Variants in EPB41 observed in about 807,000 individuals in gnomAD.
EPB41 encodes erythrocyte membrane protein band 4.1, also known as protein 4.1.
A neutral mutation model predicts 108.0 loss-of-function variants in EPB41; 65 were observed. That is an observed-to-expected ratio of 0.60 (90% CI 0.49 to 0.74). The LOEUF (loss-of-function observed/expected upper bound fraction) is 0.74. EPB41 is among the 30% of genes least tolerant of loss of function. The pLI, the probability that EPB41 is intolerant of heterozygous loss-of-function variation, is 0.00. For synonymous variants in EPB41, 336 were observed against 358.9 expected (o/e 0.94, Z 0.72); for missense variants, 875 against 1,037.0 (o/e 0.84, Z 2.15).
At chr1:28,996,872 TA>T (rs2096190278) in intron 3 of EPB41, among the ~76,000 whole-genome samples, 1 of 152,150 alleles carries the variant, frequency 6.6e-6, no homozygotes, top group Non-Finnish European at 1.5e-5. Context: ...CAGTGGCTCA[TA>T]CCTGTAATCC....
At chr1:29,069,021 G>A (rs1649921898) in intron 16 of EPB41, 1 of 751,288 alleles carries the variant, frequency 1.3e-6, no homozygotes, top group Non-Finnish European at 1.8e-6. Context: ...GCTGCATGAA[G>A]ATATAAATAT....
chr1:29,068,773 G>C, intron 16 of EPB41: 1 of 1,232,192 alleles, frequency 8.1e-7, no homozygotes, highest in Non-Finnish European at 1.0e-6. Flanking sequence ...AGAAAGGTTG[G>C]TGGGCCAGAG....
At chr1:28,923,911 C>T (rs2093293647) in intron 1 of EPB41, among the ~76,000 whole-genome samples, 2 of 152,086 alleles carry the variant, frequency 1.3e-5, no homozygotes, top group African/African-American at 2.4e-5. Flanking sequence ...GGTATGCATA[C>T]CCTTAGTGTA....
At chr1:29,062,749 C>G (rs1051342809) in intron 15 of EPB41, among the ~76,000 whole-genome samples, 3 of 148,424 alleles carry the variant, frequency 2.0e-5, no homozygotes, top group Admixed American at 6.9e-5. Flanking sequence ...ATTTTTAGAT[C>G]TACCGCCTCC....
chr1:28,892,067 T>A (rs2090172499), intron 1 of EPB41, among the ~76,000 whole-genome samples: 1 of 109,250 alleles, frequency 9.2e-6, no homozygotes, highest in Non-Finnish European at 1.7e-5. Flanking sequence ...CACTCCAGCC[T>A]GGGCAATAAG....
At chr1:28,889,673 T>G in intron 1 of EPB41, 3 of 320,794 alleles carry the variant, frequency 9.4e-6, no homozygotes, top group Non-Finnish European at 1.3e-5. Context: ...TGGGCCCAGC[T>G]GATGGAACCT....
intron 17 of EPB41, 138 bp from the exon 18 acceptor site, chr1:29,109,198 C>CAA (rs957578381): frequency 1.5e-3 from 913 of 607,900 alleles, no homozygotes; most frequent in East Asian, 1.8e-3. Context: ...AACTCCGTCT[C>CAA]AAAAAAAAAA....
rs376820266 is a variant in EPB41, at chr1:29,112,432, A to C, written c.2480A>C (p.Asp827Ala). 177 of 1,613,766 alleles carry C rather than the reference A, an allele frequency of 1.1e-4. No individual in the cohort carries two copies. The highest frequency in any genetic ancestry group is 1.4e-4 in the Non-Finnish European group (171 of 1,179,878). Reference protein sequence around the residue: ...EKRIVITGDADIDHDQVLVQA... With the variant: ...EKRIVITGDAAIDHDQVLVQA... ...AGAATTGTGATCACAGGAGATGCTG[A>C]TATTGACCATGATCAGGTGGGAATG... Residue 827 changes from aspartate (D) to alanine (A), a missense_variant, in exon 19 of 21, where the codon GAT becomes GCT. Around this residue, in one of 3 missense-constraint regions of EPB41, gnomAD observed 519 missense variants for 627.3 expected, o/e 0.83. Transcript: ENST00000343067.
In EPB41 at chr1:28,992,612, C is replaced by A. The variant is rs939218620; in HGVS notation, c.469-718C>A. Among the ~76,000 whole-genome samples, 4 of 152,294 alleles carry A rather than the reference C, an allele frequency of 2.6e-5. No homozygotes were observed. The South Asian group carries it at 8.3e-4, about 32-fold the overall frequency. On this transcript the variant is annotated intron_variant, in intron 2 of 20. Transcript: ENST00000343067. ...GCCCAGGCAGGAGAATCGCTTGAAC[C>A]CTGGAGGCGGAGCTTGGAGTAAGCC...
rs183255811 is a variant in EPB41 at position 29,024,505 on chromosome 1, C to T, written c.1125-5895C>T. 1.2e-3 allele frequency among the ~76,000 whole-genome samples: 176 copies of T among 151,634 alleles called. 1 individual carries two copies. The highest frequency in any genetic ancestry group is 3.8e-3 in the African/African-American group (157 of 41,168). The stretch of plus-strand genomic sequence containing the variant: ...AAAATTAGCCGGGCTTGGTGGCACG[C>T]GCCTGTAATCCCAGCTACTCCGGAG... On this transcript the variant is annotated intron_variant, in intron 7 of 20. Transcript: ENST00000343067.
intron 1 of EPB41, chr1:28,982,241 T>C (rs2095768111): frequency 1.1e-5 from 5 of 438,334 alleles, no homozygotes; most frequent in South Asian, 7.4e-5. Flanking sequence ...TTTTTATGGC[T>C]GCTTCTTTTT....
upstream of EPB41, chr1:28,910,869 G>T: frequency 1.6e-6 from 1 of 628,722 alleles, no homozygotes; most frequent in Non-Finnish European, 2.0e-6. Context: ...GGTAATGGTG[G>T]GCTCAGCTGG....
chr1:29,104,287 G>T (rs1249339636), intron 17 of EPB41, among the ~76,000 whole-genome samples: 1 of 152,162 alleles, frequency 6.6e-6, no homozygotes, highest in Non-Finnish European at 1.5e-5. Flanking sequence ...TATCTTGCTG[G>T]ATAAGTAAGC....
At position 28,962,351 on chromosome 1, in the gene EPB41, A is replaced by G. The variant is rs151192908; in HGVS notation, c.-7-25080A>G. Among the ~76,000 whole-genome samples the G allele has an allele frequency of 9.7e-4, 147 of 152,254 alleles. 1 individual carries two copies. The highest frequency in any genetic ancestry group is 3.4e-3 in the African/African-American group (143 of 41,540). ...GCTGGGATTATTACAGACGTGAGCC[A>G]CCGCTCCCGGCCATAATTGCTATTA... On this transcript the variant is annotated intron_variant, in intron 1 of 20. Coordinates refer to ENST00000343067, the MANE Select transcript of EPB41 (RefSeq NM_001376013.1).
chr1:29,041,070 A>G (rs1641319261), intron 11 of EPB41: 1 of 151,024 alleles, frequency 6.6e-6, no homozygotes, highest in African/African-American at 2.4e-5. Flanking sequence ...CGGGAGGCGG[A>G]GGCTGCAGTG....
intron 1 of EPB41, among the ~76,000 whole-genome samples, chr1:28,908,395 C>G (rs2091995118): frequency 6.7e-6 from 1 of 148,664 alleles, no homozygotes; most frequent in Non-Finnish European, 1.5e-5. Flanking sequence ...GGGCGAGACT[C>G]CGTCTCAAAA....
At chr1:28,932,471 C>CTT (rs529648503) in intron 1 of EPB41, among the ~76,000 whole-genome samples, 4 of 141,406 alleles carry the variant, frequency 2.8e-5, no homozygotes, top group Admixed American at 7.1e-5. Flanking sequence ...GCTTTTTCTC[C>CTT]TTTTTTTTTT....
chr1:28,888,594 G>C (rs1312506330), intron 1 of EPB41, among the ~76,000 whole-genome samples: 1 of 152,206 alleles, frequency 6.6e-6, no homozygotes, highest in Non-Finnish European at 1.5e-5. Flanking sequence ...TGTAAATAAG[G>C]CGTTAAAGCA....
chr1:28,908,823 T>C (rs1217924259), intron 1 of EPB41, among the ~76,000 whole-genome samples: 1 of 151,950 alleles, frequency 6.6e-6, no homozygotes, highest in Non-Finnish European at 1.5e-5. Context: ...GCTAGCTTTG[T>C]TAAAAATGAT....
Sources: gnomAD v4.1 joint callset for allele counts (sites outside exome capture counted in the v4.1 genomes callset) on GRCh38, gnomAD v4.1.1 for gene constraint, gnomAD v4.1.1 regional missense constraint, MANE v1.5 for transcripts, NCBI Gene and HGNC (gene_info 2026-07-23, HGNC 2026-07-21) for gene names.